Variants in MAF observed in about 807,000 individuals in gnomAD.
MAF encodes MAF bZIP transcription factor, also known as transcription factor Maf.
Under a neutral mutation model 22.0 loss-of-function variants are expected in MAF, and 10 were observed. The ratio of observed to expected loss-of-function variants is 0.45; its 90% CI spans 0.28 to 0.77. The LOEUF is 0.77. Ranked by LOEUF, MAF falls within the 30% of genes least tolerant of loss-of-function variation. The pLI is 0.12. For synonymous variants in MAF, 337 were observed against 255.8 expected (o/e 1.32, Z -3.03); for missense variants, 544 against 548.4 (o/e 0.99, Z 0.08).
chr16:79,280,267 T>G, the MAF span, among the ~76,000 whole-genome samples: 3 of 152,236 alleles, frequency 2.0e-5, no homozygotes, highest in African/African-American at 7.2e-5. Context: ...TTTGTGTAAA[T>G]GCCGGGAGAA....
At chr16:79,453,633 G>T in the MAF span, among the ~76,000 whole-genome samples, 86 of 152,306 alleles carry the variant, frequency 5.6e-4, 1 homozygote, top group South Asian at 0.017. Context: ...TAATCAATTT[G>T]CTATATTCTT....
At chr16:79,212,277 A>G in the MAF span, 4 of 1,200,398 alleles carry the variant, frequency 3.3e-6, no homozygotes, top group Non-Finnish European at 3.4e-6. Flanking sequence ...CATCCTGACC[A>G]AGACTGAGCC....
the MAF span, among the ~76,000 whole-genome samples, chr16:79,484,035 C>A: frequency 2.6e-5 from 4 of 152,144 alleles, no homozygotes; most frequent in Non-Finnish European, 4.4e-5. Context: ...CTAGTGATAG[C>A]AACCAGCAGG....
At chr16:79,539,132 C>T in the MAF span, among the ~76,000 whole-genome samples, 7 of 152,222 alleles carry the variant, frequency 4.6e-5, no homozygotes, top group Non-Finnish European at 7.3e-5. Flanking sequence ...TACAGTGAAA[C>T]TGGGTATCTC....
At chr16:79,383,297 T>G in the MAF span, among the ~76,000 whole-genome samples, 1 of 152,122 alleles carries the variant, frequency 6.6e-6, no homozygotes, top group Non-Finnish European at 1.5e-5. Flanking sequence ...TGGTTCAACT[T>G]CATGTATCCA....
the MAF span, among the ~76,000 whole-genome samples, chr16:79,380,909 G>A: frequency 1.3e-5 from 2 of 152,204 alleles, no homozygotes; most frequent in Non-Finnish European, 2.9e-5. Context: ...ATGGCCAGGG[G>A]TAGCCTTCAG....
At chr16:79,211,826 C>A in the MAF span, 1 of 1,613,358 alleles carries the variant, frequency 6.2e-7, no homozygotes, top group Non-Finnish European at 8.5e-7. Flanking sequence ...GGCACACACA[C>A]CCGCCCTGTG....
the MAF span, among the ~76,000 whole-genome samples, chr16:79,454,201 G>A: frequency 0.014 from 2,161 of 152,266 alleles, 49 homozygotes; most frequent in African/African-American, 0.049. Context: ...CATTGACCAT[G>A]GAGAGGCTGA....
At chr16:79,236,129 T>G in the MAF span, among the ~76,000 whole-genome samples, 1 of 152,160 alleles carries the variant, frequency 6.6e-6, no homozygotes, top group Middle Eastern at 3.4e-3. Context: ...AGAAGAATAT[T>G]TTACAATGCA....
chr16:79,382,098 T>C, the MAF span, among the ~76,000 whole-genome samples: 1 of 152,192 alleles, frequency 6.6e-6, no homozygotes, highest in Non-Finnish European at 1.5e-5. Flanking sequence ...TCAACTTAGG[T>C]GACACTTTCC....
intron 1 of MAF, chr16:79,597,838 A>C: frequency 9.7e-7 from 1 of 1,028,188 alleles, no homozygotes; most frequent in Non-Finnish European, 1.2e-6. Context: ...TTTTCCATAA[A>C]GTCTTTGAAA....
the MAF span, among the ~76,000 whole-genome samples, chr16:79,334,022 A>G: frequency 6.6e-6 from 1 of 152,248 alleles, no homozygotes; most frequent in East Asian, 1.9e-4. Context: ...CACTGTCTGA[A>G]TGACTTATTC....
At chr16:79,365,516 C>T in the MAF span, among the ~76,000 whole-genome samples, 1 of 152,096 alleles carries the variant, frequency 6.6e-6, no homozygotes, top group Non-Finnish European at 1.5e-5. Flanking sequence ...CTCTTCATTG[C>T]ACTTTGTGAT....
the MAF span, among the ~76,000 whole-genome samples, chr16:79,249,098 G>A: frequency 3.9e-5 from 6 of 152,168 alleles, no homozygotes; most frequent in African/African-American, 1.4e-4. Flanking sequence ...TGAGGGCTCT[G>A]TCTACATGGA....
downstream of MAF, among the ~76,000 whole-genome samples, chr16:79,590,311 T>C (rs1913118534): frequency 1.3e-5 from 2 of 152,134 alleles, no homozygotes; most frequent in Non-Finnish European, 2.9e-5. Flanking sequence ...ATTCCAGGCT[T>C]CAAGACCATT....
the MAF span, among the ~76,000 whole-genome samples, chr16:79,252,030 T>C: frequency 1.3e-5 from 2 of 152,266 alleles, no homozygotes; most frequent in Non-Finnish European, 2.9e-5. Flanking sequence ...AATAGCATCC[T>C]TTGGAAACCC....
At chr16:79,260,403 T>TGAA in the MAF span, among the ~76,000 whole-genome samples, 1 of 152,184 alleles carries the variant, frequency 6.6e-6, no homozygotes, top group African/African-American at 2.4e-5. Context: ...TCTCCTGCCT[T>TGAA]GGCCTCCCAG....
the MAF span, among the ~76,000 whole-genome samples, chr16:79,545,584 T>G: frequency 6.6e-6 from 1 of 152,004 alleles, no homozygotes; most frequent in Non-Finnish European, 1.5e-5. Flanking sequence ...ACCAGAAATT[T>G]TTGTAAGTAT....
chr16:79,211,362 C>A, the MAF span, among the ~76,000 whole-genome samples: 1 of 152,152 alleles, frequency 6.6e-6, no homozygotes, highest in African/African-American at 2.4e-5. Flanking sequence ...CCAAGCCTGT[C>A]CCTGTATGAG....
Sources: allele counts gnomAD v4.1 joint callset (sites outside exome capture counted in the v4.1 genomes callset), GRCh38; gene constraint gnomAD v4.1.1; transcripts MANE v1.5; gene names NCBI Gene and HGNC (gene_info 2026-07-23, HGNC 2026-07-21).